Variants in PGS1 observed in about 807,000 individuals in gnomAD.
PGS1 encodes the protein phosphatidylglycerophosphate synthase 1.
In PGS1, 44 loss-of-function variants were observed where a neutral mutation model predicts 58.3. That is an observed-to-expected ratio of 0.75 (90% CI 0.59 to 0.97). PGS1 has a LOEUF of 0.97. PGS1 is among the 50% of genes least tolerant of loss of function. The pLI is 0.00. For synonymous variants in PGS1, 330 were observed against 311.0 expected, an observed-to-expected ratio of 1.06 and a Z score of -0.64; for missense variants, 684 against 731.1, an observed-to-expected ratio of 0.94 and a Z score of 0.74.
chr17:78,423,411 G>T (rs776317812), intron 9 of PGS1, among the ~76,000 whole-genome samples: 1 of 152,152 alleles, frequency 6.6e-6, no homozygotes, highest in African/African-American at 2.4e-5. Flanking sequence ...GAGTAATGGC[G>T]GATGAGACGC....
At chr17:78,379,360 C>T (rs1279841386) in intron 1 of PGS1, among the ~76,000 whole-genome samples, 1 of 152,106 alleles carries the variant, frequency 6.6e-6, no homozygotes, top group African/African-American at 2.4e-5. Context: ...GAAGAGGAGC[C>T]ACTCGAAACA....
intron 7 of PGS1, among the ~76,000 whole-genome samples, chr17:78,413,236 C>G (rs897553121): frequency 2.6e-5 from 4 of 152,202 alleles, no homozygotes; most frequent in African/African-American, 9.7e-5. Flanking sequence ...CCAAGATGTT[C>G]TTGGAAATGC....
chr17:78,399,570 T>A, intron 5 of PGS1, 33 bp downstream of exon 5: 1 of 1,607,432 alleles, frequency 6.2e-7, no homozygotes, highest in Non-Finnish European at 8.5e-7. Flanking sequence ...GCTTTTGCCC[T>A]CCTGCTCTGC....
intron 2 of PGS1, among the ~76,000 whole-genome samples, chr17:78,393,861 C>CT (rs2083012434): frequency 1.3e-5 from 2 of 152,242 alleles, no homozygotes; most frequent in South Asian, 2.1e-4. Flanking sequence ...AGCATGAACT[C>CT]TGAGTTTGTA....
At chr17:78,389,637 G>A (rs758508792) in intron 1 of PGS1, among the ~76,000 whole-genome samples, 2 of 147,498 alleles carry the variant, frequency 1.4e-5, no homozygotes, top group Non-Finnish European at 3.0e-5. Flanking sequence ...TTTTTGAGAC[G>A]AAGTCTCACT....
At position 78,414,813 on chromosome 17, in the gene PGS1, C is replaced by T. The variant is rs1471432466; in HGVS notation, c.1403-66C>T. The stretch of plus-strand genomic sequence containing the variant: ...CCGCCTTTCTCTTAGATTGCAGCAG[C>T]GTGTGGAGAGGACTTTGGTAGATGC... On this transcript the variant is annotated intron_variant, in intron 7 of 9. Coordinates refer to ENST00000262764, the MANE Select transcript of PGS1 (RefSeq NM_024419.5). 64 of 1,566,826 alleles carry T rather than the reference C, an allele frequency of 4.1e-5. 1 individual carries two copies. The highest frequency in any genetic ancestry group is 1.2e-4 in the Admixed American group (7 of 58,902).
rs529007465 is a variant in PGS1 at position 78,394,158 on chromosome 17, C to T, written c.333+1493C>T. Among the ~76,000 whole-genome samples, 400 of 102,900 alleles carry T rather than the reference C, an allele frequency of 3.9e-3. 1 individual carries two copies. Among genetic ancestry groups the T allele is most frequent in the Admixed American group, 9.8e-3 (61 of 6,196 alleles). The allele number at this position is 102,900 out of a possible 152,430, so 67.5% of individuals were successfully genotyped here. A position where few individuals can be genotyped will look rare whatever the true frequency, so the allele number is the denominator to read the frequency against. On this transcript the variant is annotated intron_variant, in intron 2 of 9. Coordinates refer to ENST00000262764, the MANE Select transcript of PGS1 (RefSeq NM_024419.5). The stretch of plus-strand genomic sequence containing the variant: ...TTGCACTCCAGCCTGGGCAACAGAG[C>T]GAGACTCTATCTCCCAAAAAAAAAA...
intron 7 of PGS1, among the ~76,000 whole-genome samples, chr17:78,411,531 G>A (rs1291459004): frequency 1.3e-5 from 2 of 152,300 alleles, no homozygotes; most frequent in East Asian, 3.9e-4. Context: ...GGCACCCAGG[G>A]CTGCAGTATT....
rs1312333968 is a variant in PGS1, at chr17:78,399,081, G to T, written c.512-267G>T. Among the ~76,000 whole-genome samples the T allele has an allele frequency of 3.3e-5, 5 of 152,218 alleles. No homozygotes were observed. The South Asian group carries it at 1.0e-3, about 32-fold the overall frequency. On this transcript the variant is annotated intron_variant, in intron 4 of 9. Transcript: ENST00000262764. ...GGGTAGTGCCCCAGGAGAAGGTTGGGTGCAGTTACCAGGAGAAGGGTGAAT... is the reference window on the plus strand; with the variant it reads ...GGGTAGTGCCCCAGGAGAAGGTTGGTTGCAGTTACCAGGAGAAGGGTGAAT...
At chr17:78,397,735 G>A (rs1033186276) in intron 3 of PGS1, among the ~76,000 whole-genome samples, 2 of 152,030 alleles carry the variant, frequency 1.3e-5, no homozygotes, top group African/African-American at 2.4e-5. Flanking sequence ...GCGCCCGGCC[G>A]CCTCCCTCTA....
Position 78,400,979 on chromosome 17 carries a change from C to A in PGS1, c.880+124C>A, listed in dbSNP as rs2083611965. On this transcript the variant is annotated intron_variant, in intron 6 of 9. Coordinates refer to ENST00000262764, the MANE Select transcript of PGS1 (RefSeq NM_024419.5). This position sits in a 1 kb window ranked among gnomAD's most constrained non-coding sequence, Gnocchi z 4.4. ...ACTTGGGTGGCAAGGCTTCATTCTG[C>A]TTTTGTCCTTGAAGCCAGACAGATG... 1 of 799,500 alleles carries A rather than the reference C, an allele frequency of 1.3e-6. No individual in the cohort carries two copies. The highest frequency in any genetic ancestry group is 1.9e-6 in the Non-Finnish European group (1 of 516,574). The allele number at this position is 799,500 out of a possible 1,614,324, so 49.5% of individuals were successfully genotyped here. A position where few individuals can be genotyped will look rare whatever the true frequency, so the allele number is the denominator to read the frequency against.
intron 1 of PGS1, among the ~76,000 whole-genome samples, chr17:78,381,794 C>G (rs1274533243): frequency 1.3e-5 from 2 of 152,182 alleles, no homozygotes; most frequent in Non-Finnish European, 2.9e-5. Context: ...ACAGAGAACT[C>G]TACTTAAAAT....
At chr17:78,411,226 G>A (rs1235117352) in intron 7 of PGS1, among the ~76,000 whole-genome samples, 1 of 152,188 alleles carries the variant, frequency 6.6e-6, no homozygotes, top group African/African-American at 2.4e-5. Flanking sequence ...AGGGGCACTG[G>A]GAGTGGTGGG....
At chr17:78,418,846 T>A (rs912783723) in intron 8 of PGS1, among the ~76,000 whole-genome samples, 1 of 152,128 alleles carries the variant, frequency 6.6e-6, no homozygotes, top group Non-Finnish European at 1.5e-5. Flanking sequence ...TTGTGCCAAT[T>A]TGATAGAAGA....
At chr17:78,399,671 C>T (rs1015358108) in intron 5 of PGS1, 134 bp downstream of exon 5, 10 of 801,822 alleles carry the variant, frequency 1.2e-5, no homozygotes, top group African/African-American at 1.2e-4. Flanking sequence ...TGTGCACCCG[C>T]GGCACCTCCC....
In PGS1 at chr17:78,384,883, A is replaced by G. The variant is rs374158664; in HGVS notation, c.143+6075A>G. Among the ~76,000 whole-genome samples, 217 of 152,330 alleles carry G rather than the reference A, an allele frequency of 1.4e-3. 2 individuals carry two copies. The highest frequency in any genetic ancestry group is 4.8e-3 in the African/African-American group (201 of 41,582). On this transcript the variant is annotated intron_variant, in intron 1 of 9. Coordinates refer to ENST00000262764, the MANE Select transcript of PGS1 (RefSeq NM_024419.5). Reference sequence around the variant, plus strand: ...GGAGAAGATGTGGAAGGGACGTCTAAAGGTGCAGTGTAGACCGCGGTGTAA... The same window carrying G: ...GGAGAAGATGTGGAAGGGACGTCTAGAGGTGCAGTGTAGACCGCGGTGTAA...
In PGS1 at chr17:78,403,470, C is replaced by T. The variant is rs531062679; in HGVS notation, c.881-98C>T. 39 of 1,234,100 alleles carry T rather than the reference C, an allele frequency of 3.2e-5. No individual in the cohort carries two copies. The East Asian group carries it at 6.3e-4, about 20-fold the overall frequency. 76.4% of individuals were successfully genotyped at this position (1,234,100 alleles called of 1,614,324 possible). On this transcript the variant is annotated intron_variant, in intron 6 of 9. Transcript: ENST00000262764. Reference sequence around the variant, plus strand: ...GTGTTCAGTGAACATCCAGTTGTAGCGTCTGCACTTGCCTATCACATGCCC... The same window carrying T: ...GTGTTCAGTGAACATCCAGTTGTAGTGTCTGCACTTGCCTATCACATGCCC...
At chr17:78,402,044 TGTG>T (rs1013931229) in intron 6 of PGS1, among the ~76,000 whole-genome samples, 2 of 22,662 alleles carry the variant, frequency 8.8e-5, no homozygotes, top group African/African-American at 3.0e-4. Context: ...AGGCTCAGGG[TGTG>T]CGCAGGGCCC....
At chr17:78,399,864 G>T in intron 5 of PGS1, 1 of 327,124 alleles carries the variant, frequency 3.1e-6, no homozygotes, top group South Asian at 3.8e-5. Context: ...GAGTCACTTT[G>T]TCAGGTAGAC....
Sources: gnomAD v4.1 joint callset for allele counts (sites outside exome capture counted in the v4.1 genomes callset) on GRCh38, gnomAD v4.1.1 for gene constraint, Gnocchi (gnomAD v3.1) non-coding constraint, MANE v1.5 for transcripts, NCBI Gene and HGNC (gene_info 2026-07-23, HGNC 2026-07-21) for gene names.